Variants in TRIM49 observed in about 807,000 individuals in gnomAD.
TRIM49 encodes tripartite motif containing 49.
A neutral mutation model predicts 27.4 loss-of-function variants in TRIM49; 5 were observed. The ratio of observed to expected loss-of-function variants is 0.18; its 90% CI spans 0.10 to 0.38. The LOEUF (loss-of-function observed/expected upper bound fraction) is 0.38, where lower values mean the gene tolerates loss of function less well. Among genes scored for constraint, TRIM49 ranks in the 10% least tolerant of loss-of-function variants. TRIM49 has a pLI of 1.00. For missense variants in TRIM49, 188 were observed against 487.5 expected (o/e 0.39, Z 5.79); for synonymous variants, 69 against 166.0 (o/e 0.42, Z 4.49).
At chr11:89,783,043 C>CA in the TRIM49 span, among the ~76,000 whole-genome samples, 379 of 140,410 alleles carry the variant, frequency 2.7e-3, 22 homozygotes, top group Admixed American at 5.5e-3. Flanking sequence ...AAGTTGACCT[C>CA]ACAGACTTTA....
At chr11:89,793,165 C>T (rs1949666690), downstream of TRIM49, among the ~76,000 whole-genome samples, 1 of 152,008 alleles carries the variant, frequency 6.6e-6, no homozygotes. Flanking sequence ...CACATACACT[C>T]TCCCAAGACT....
At chr11:89,800,108 C>T (rs1455936884) in intron 6 of TRIM49, among the ~76,000 whole-genome samples, 2 of 150,492 alleles carry the variant, frequency 1.3e-5, no homozygotes, top group African/African-American at 5.0e-5. Context: ...CTGAGTTCCA[C>T]TTCTTGGCAG....
the TRIM49 span, chr11:89,787,877 G>A: frequency 0.013 from 5,540 of 422,434 alleles, 31 homozygotes; most frequent in Non-Finnish European, 0.018. Context: ...TTGAGGGCAG[G>A]GCAAGGCCGC....
downstream of TRIM49, among the ~76,000 whole-genome samples, chr11:89,794,898 TA>T (rs1185128087): frequency 3.3e-5 from 5 of 149,940 alleles, no homozygotes; most frequent in Non-Finnish European, 7.4e-5. Flanking sequence ...GGGATCTAAT[TA>T]AACTAAAGAG....
At chr11:89,793,406 C>G (rs1949668303), downstream of TRIM49, among the ~76,000 whole-genome samples, 1 of 151,988 alleles carries the variant, frequency 6.6e-6, no homozygotes, top group Admixed American at 6.6e-5. Flanking sequence ...ATCCTGATAC[C>G]AAAGCTAGGC....
At chr11:89,796,169 A>C (rs965239134), downstream of TRIM49, among the ~76,000 whole-genome samples, 1 of 152,030 alleles carries the variant, frequency 6.6e-6, no homozygotes, top group Admixed American at 6.5e-5. Context: ...ATTTTAAATA[A>C]ATCAATATTT....
At chr11:89,777,512 A>T in the TRIM49 span, 1 of 1,359,080 alleles carries the variant, frequency 7.4e-7, no homozygotes, top group Non-Finnish European at 9.8e-7. Flanking sequence ...GTCAATCATA[A>T]CACATGAATG....
chr11:89,770,627 A>C, the TRIM49 span, among the ~76,000 whole-genome samples: 1 of 141,850 alleles, frequency 7.0e-6, no homozygotes, highest in African/African-American at 2.9e-5. Context: ...TGGGAGGTCG[A>C]GGTGGGCGGA....
intron 2 of TRIM49, among the ~76,000 whole-genome samples, chr11:89,805,458 C>T (rs1205486054): frequency 4.0e-5 from 6 of 151,270 alleles, no homozygotes; most frequent in Admixed American, 4.0e-4. Flanking sequence ...CAGCTGACAC[C>T]TCAGATATAA....
At chr11:89,801,233 G>A (rs1157868362) in intron 5 of TRIM49, among the ~76,000 whole-genome samples, 12 of 147,726 alleles carry the variant, frequency 8.1e-5, no homozygotes, top group African/African-American at 2.8e-4. Flanking sequence ...AAGAGGCCCA[G>A]AAGGTCTATG....
the TRIM49 span, among the ~76,000 whole-genome samples, chr11:89,773,956 C>A: frequency 7.3e-6 from 1 of 136,108 alleles, no homozygotes; most frequent in Admixed American, 6.8e-5. Flanking sequence ...AAAAAGTTAG[C>A]AAGTGATAAT....
the TRIM49 span, chr11:89,782,039 G>A: frequency 2.2e-5 from 33 of 1,526,702 alleles, 3 homozygotes; most frequent in Non-Finnish European, 2.6e-5. Flanking sequence ...ATTCACCTCC[G>A]GCAAGCATTA....
intron 2 of TRIM49, among the ~76,000 whole-genome samples, chr11:89,806,212 A>G (rs1949788665): frequency 6.6e-6 from 1 of 150,876 alleles, no homozygotes; most frequent in South Asian, 2.1e-4. Context: ...ACATAATTGA[A>G]TACAGAAAAG....
the TRIM49 span, among the ~76,000 whole-genome samples, chr11:89,770,684 C>G: frequency 1.4e-5 from 2 of 140,016 alleles, no homozygotes; most frequent in South Asian, 2.2e-4. Flanking sequence ...ACGGTGAAAC[C>G]CTGTCTCTAC....
chr11:89,807,656 G>A (rs1267079265), intron 1 of TRIM49, among the ~76,000 whole-genome samples: 1 of 150,948 alleles, frequency 6.6e-6, no homozygotes, highest in Non-Finnish European at 1.5e-5. Flanking sequence ...AGCCTTCCAA[G>A]TAGCTACGAC....
the TRIM49 span, among the ~76,000 whole-genome samples, chr11:89,785,481 AT>A: frequency 4.9e-4 from 68 of 139,642 alleles, 1 homozygote; most frequent in South Asian, 1.1e-3. Context: ...GTGAAGAATA[AT>A]AGTTAAAATG....
In TRIM49 at chr11:89,802,773, C is replaced by A. The variant is rs1170479406; in HGVS notation, c.508-841G>T. Among the ~76,000 whole-genome samples, 16 of 150,820 alleles carry A rather than the reference C, an allele frequency of 1.1e-4. No homozygotes were observed. The East Asian group carries it at 2.9e-3, about 28-fold the overall frequency. ...CCCTATTTAAAACTCAAACACTAAT[C>A]TCCAGTTTCTGGCCTCTATTGTCCT... is the stretch of plus-strand genomic sequence containing the variant. On this transcript the variant is annotated intron_variant, in intron 4 of 7. Coordinates refer to ENST00000329758, the MANE Select transcript of TRIM49 (RefSeq NM_020358.2).
At chr11:89,793,368 C>T (rs1256832372), downstream of TRIM49, among the ~76,000 whole-genome samples, 7 of 152,150 alleles carry the variant, frequency 4.6e-5, no homozygotes, top group Non-Finnish European at 2.9e-5. Context: ...AGGGAATCCT[C>T]CCTAACTCAT....
At chr11:89,787,269 G>A in the TRIM49 span, 109 of 228,138 alleles carry the variant, frequency 4.8e-4, 4 homozygotes, top group East Asian at 8.9e-3. Context: ...ATGACCACGA[G>A]CCTCTAACAG....
Sources: allele counts gnomAD v4.1 joint callset (sites outside exome capture counted in the v4.1 genomes callset), GRCh38; gene constraint gnomAD v4.1.1; transcripts MANE v1.5; gene names NCBI Gene and HGNC (gene_info 2026-07-23, HGNC 2026-07-21).